The following TTC13 variants were observed in gnomAD, a reference collection of about 807,000 sequenced individuals.
TTC13 encodes the protein tetratricopeptide repeat domain 13.
A neutral mutation model predicts 120.0 loss-of-function variants in TTC13; 62 were observed. That is an observed-to-expected ratio of 0.52 (90% confidence interval 0.42 to 0.64). The LOEUF is 0.64. TTC13 is among the 30% of genes least tolerant of loss of function. TTC13 has a pLI of 0.00. For synonymous variants in TTC13, 384 were observed against 393.5 expected, an observed-to-expected ratio of 0.98 and a Z score of 0.28; for missense variants, 824 against 1,050.2, an observed-to-expected ratio of 0.78 and a Z score of 2.98.
chr1:230,924,011 G>A (rs772466170), intron 14 of TTC13, 78 bp from the exon 15 acceptor site: 24 of 1,145,444 alleles, frequency 2.1e-5, no homozygotes, highest in Middle Eastern at 4.2e-4. Flanking sequence ...GTTTGCAAAG[G>A]TGGGGATAAA....
At chr1:230,968,300 T>TGAAACA (rs58049634) in intron 1 of TTC13, among the ~76,000 whole-genome samples, 2 of 151,160 alleles carry the variant, frequency 1.3e-5, no homozygotes, top group Non-Finnish European at 2.9e-5. Context: ...ATATGCACAC[T>TGAAACA]GACCTCCAGA....
chr1:230,914,271 C>T (rs987480123), intron 18 of TTC13, among the ~76,000 whole-genome samples: 1 of 152,172 alleles, frequency 6.6e-6, no homozygotes, highest in Non-Finnish European at 1.5e-5. Flanking sequence ...ACCCCTGAGA[C>T]AGCAAGACCA....
chr1:230,911,488 G>T lies in TTC13; in HGVS notation c.2291C>A (p.Pro764Gln). Residue 764 changes from proline to glutamine, a missense_variant, in exon 20 of 23, where the codon CCA (proline) becomes CAA (glutamine). Around this residue, in one of 4 missense-constraint regions of TTC13, gnomAD observed 226 missense variants for 259.1 expected, o/e 0.87. Transcript: ENST00000366661. ...SLVYYFYNLM[P>Q]LSRGSSVIAY... ...TACTTACCTGGATCCTCGAGAGAGT[G>T]GCATTAAATTATAAAAGTAATAAAC... 6.3e-7 allele frequency: 1 copy of T among 1,599,240 alleles called. No individual in the cohort carries two copies. The highest frequency in any genetic ancestry group is 8.5e-7 in the Non-Finnish European group (1 of 1,173,336).
chr1:230,913,257 T>C (rs1334752539), intron 18 of TTC13, among the ~76,000 whole-genome samples: 1 of 152,192 alleles, frequency 6.6e-6, no homozygotes, highest in Non-Finnish European at 1.5e-5. Context: ...CAACAGGCAT[T>C]TTTTGTATAA....
chr1:230,952,528 G>T (rs1675692458), intron 4 of TTC13, among the ~76,000 whole-genome samples: 2 of 152,158 alleles, frequency 1.3e-5, no homozygotes, highest in Admixed American at 1.3e-4. Flanking sequence ...CTCAAAGACA[G>T]ATTTCCCAGC....
At chr1:230,911,289 A>G (rs1553277775) in intron 20 of TTC13, 181 bp downstream of exon 20, 2 of 494,710 alleles carry the variant, frequency 4.0e-6, no homozygotes, top group East Asian at 3.4e-5. Context: ...ACTGTCTTCT[A>G]TAATTCTTTT....
chr1:230,927,964 C>T (rs1166358934), intron 12 of TTC13, among the ~76,000 whole-genome samples: 2 of 152,166 alleles, frequency 1.3e-5, no homozygotes, highest in Non-Finnish European at 2.9e-5. Context: ...ACACCTTTCC[C>T]ATTTATCTAA....
intron 1 of TTC13, among the ~76,000 whole-genome samples, chr1:230,970,917 C>T (rs1677667457): frequency 6.6e-6 from 1 of 152,170 alleles, no homozygotes; most frequent in African/African-American, 2.4e-5. Flanking sequence ...ATTGACAATC[C>T]TAACCCCAGG....
chr1:230,925,867 A>T (rs1430506831), intron 12 of TTC13, among the ~76,000 whole-genome samples: 1 of 152,214 alleles, frequency 6.6e-6, no homozygotes, highest in East Asian at 1.9e-4. Flanking sequence ...GGTTAGTAAC[A>T]GTGAAAACTA....
chr1:230,941,867 A>C (rs1674560935), intron 6 of TTC13, among the ~76,000 whole-genome samples: 1 of 152,232 alleles, frequency 6.6e-6, no homozygotes, highest in African/African-American at 2.4e-5. Flanking sequence ...CCAGCACAAC[A>C]ATCAATATGA....
At chr1:230,974,825 G>A (rs1678114679) in intron 1 of TTC13, among the ~76,000 whole-genome samples, 1 of 152,156 alleles carries the variant, frequency 6.6e-6, no homozygotes, top group African/African-American at 2.4e-5. Context: ...TTCTAGTCCT[G>A]CAGTTCAAAA....
chr1:230,918,802 C>T (rs1380933903), intron 17 of TTC13, among the ~76,000 whole-genome samples: 4 of 152,300 alleles, frequency 2.6e-5, no homozygotes, highest in East Asian at 1.9e-4. Context: ...CATGCTACTT[C>T]CTTGCTATTC....
chr1:230,909,148 A>G lies in TTC13; in HGVS notation c.2310-128T>C, dbSNP rs559163700. 1,492 of 730,744 alleles carry G rather than the reference A, an allele frequency of 2.0e-3. 38 individuals are homozygous for G. In the South Asian group the frequency reaches 0.026, roughly 13 times the overall value. 45.3% of individuals were successfully genotyped at this position (730,744 alleles called of 1,614,324 possible). A position where few individuals can be genotyped will look rare whatever the true frequency, so the allele number is the denominator to read the frequency against. On this transcript the variant is annotated intron_variant, in intron 20 of 22. Transcript: ENST00000366661. ...AAAATTCTTTCAAATAAAACACCGAATGTTTCATTTAACATGAAAATATGC... is the reference window on the plus strand; with the variant it reads ...AAAATTCTTTCAAATAAAACACCGAGTGTTTCATTTAACATGAAAATATGC...
intron 11 of TTC13, 124 bp downstream of exon 11, chr1:230,931,174 G>A: frequency 3.3e-6 from 3 of 903,938 alleles, no homozygotes; most frequent in East Asian, 5.2e-5. Flanking sequence ...AGGTGTGGCT[G>A]TGGATGAGTC....
At chr1:230,933,455 A>T (rs1221307521) in intron 9 of TTC13, among the ~76,000 whole-genome samples, 1 of 152,124 alleles carries the variant, frequency 6.6e-6, no homozygotes, top group Non-Finnish European at 1.5e-5. Flanking sequence ...TACCTTAGTT[A>T]CTGTCTAAGA....
chr1:230,922,085 A>C (rs7522535), intron 15 of TTC13, among the ~76,000 whole-genome samples: 103,069 of 151,300 alleles, frequency 0.68, 35,164 homozygotes, highest in Admixed American at 0.72. Flanking sequence ...CAAACCTCAA[A>C]GGTTACTGTC....
intron 4 of TTC13, among the ~76,000 whole-genome samples, chr1:230,949,059 T>C (rs1338596666): frequency 1.3e-5 from 2 of 152,074 alleles, no homozygotes; most frequent in African/African-American, 4.8e-5. Flanking sequence ...CACAATTATT[T>C]ACTCAGGGCC....
chr1:230,963,284 G>A (rs904104678), intron 1 of TTC13, among the ~76,000 whole-genome samples: 3 of 152,104 alleles, frequency 2.0e-5, no homozygotes, highest in African/African-American at 7.2e-5. Context: ...GAAGCCCTGG[G>A]GTGGTGAACC....
At position 230,946,629 on chromosome 1, in the gene TTC13, C is replaced by T. The variant is rs371640189; in HGVS notation, c.514-1175G>A. 3.0e-4 allele frequency among the ~76,000 whole-genome samples: 46 copies of T among 152,236 alleles called. No homozygotes were observed. In the South Asian group the frequency reaches 8.9e-3, roughly 30 times the overall value. The stretch of plus-strand genomic sequence containing the variant: ...AGCTTCTCTTAGAACATCAAAAGAT[C>T]CAACAAACATGGGCCCACATTTTGG... On this transcript the variant is annotated intron_variant, in intron 4 of 22. Transcript: ENST00000366661.
Sources: allele counts gnomAD v4.1 joint callset (sites outside exome capture counted in the v4.1 genomes callset), GRCh38; gene constraint gnomAD v4.1.1; regional missense constraint gnomAD v4.1.1; transcripts MANE v1.5; gene names NCBI Gene and HGNC (gene_info 2026-07-23, HGNC 2026-07-21).